Variants in USP12 observed in about 807,000 individuals in gnomAD.
USP12 encodes the protein ubiquitin specific peptidase 12.
Under a neutral mutation model 45.5 loss-of-function variants are expected in USP12, and 19 were observed. The ratio of observed to expected loss-of-function variants is 0.42; its 90% CI spans 0.29 to 0.61. USP12 has a LOEUF of 0.61. USP12 is among the 20% of genes least tolerant of loss of function. USP12 has a pLI of 0.22. For synonymous variants in USP12, 149 were observed against 148.8 expected, an observed-to-expected ratio of 1.00 and a Z score of -0.01; for missense variants, 242 against 447.7, an observed-to-expected ratio of 0.54 and a Z score of 4.15.
chr13:27,106,664 T>G (rs1875152959), intron 2 of USP12, among the ~76,000 whole-genome samples: 1 of 152,112 alleles, frequency 6.6e-6, no homozygotes, highest in Admixed American at 6.6e-5. Flanking sequence ...GAAAAATGTT[T>G]AAGATTGGGT....
intron 1 of USP12, among the ~76,000 whole-genome samples, chr13:27,152,900 C>T (rs1378463540): frequency 1.7e-4 from 24 of 143,054 alleles, no homozygotes; most frequent in Non-Finnish European, 3.1e-4. Context: ...GGATATCGCA[C>T]CACTGCACTC....
rs1873119668 is a variant in USP12 at position 27,069,088 on chromosome 13, A to G, written c.*195T>C. On this transcript the variant is annotated 3_prime_UTR_variant, in exon 9 of 9. Transcript: ENST00000282344. ...TATGGAACTGTACAGACAGCATGAT[A>G]CCTGAGCAAATAAATCAACTACCAT... The G allele has an allele frequency of 1.6e-6, 1 of 610,728 alleles. No homozygotes were observed. The highest frequency in any genetic ancestry group is 2.9e-6 in the Non-Finnish European group (1 of 345,152). The allele number at this position is 610,728 out of a possible 1,614,324, so 37.8% of individuals were successfully genotyped here. A position where few individuals can be genotyped will look rare whatever the true frequency, so the allele number is the denominator to read the frequency against.
At chr13:27,117,694 T>C (rs986527885) in intron 1 of USP12, 2 of 517,358 alleles carry the variant, frequency 3.9e-6, no homozygotes, top group Admixed American at 1.9e-5. Context: ...GAGTGAGTGC[T>C]GGAAGAGGGA....
chr13:27,108,661 A>G (rs1057407148), intron 2 of USP12, among the ~76,000 whole-genome samples: 5 of 152,246 alleles, frequency 3.3e-5, no homozygotes, highest in African/African-American at 1.2e-4. Flanking sequence ...TCATAAATTT[A>G]AAATGACATT....
intron 4 of USP12, among the ~76,000 whole-genome samples, chr13:27,094,134 G>C (rs988725388): frequency 6.6e-6 from 1 of 151,132 alleles, no homozygotes; most frequent in Non-Finnish European, 1.5e-5. Flanking sequence ...TGATGAGGAG[G>C]GAGGTATTTG....
intron 4 of USP12, among the ~76,000 whole-genome samples, chr13:27,092,161 C>T (rs1317751354): frequency 6.6e-6 from 1 of 152,158 alleles, no homozygotes; most frequent in Non-Finnish European, 1.5e-5. Context: ...TCTAACAAAA[C>T]ACGCATGGTA....
chr13:27,099,058 AC>A (rs1874732458), intron 3 of USP12, among the ~76,000 whole-genome samples: 1 of 152,190 alleles, frequency 6.6e-6, no homozygotes, highest in African/African-American at 2.4e-5. Context: ...ACATGGTGAA[AC>A]CCCATCTCCA....
Position 27,068,465 on chromosome 13 carries a change from T to C in USP12, c.*818A>G, listed in dbSNP as rs1295752547. On this transcript the variant is annotated 3_prime_UTR_variant, in exon 9 of 9. Coordinates refer to ENST00000282344, the MANE Select transcript of USP12 (RefSeq NM_182488.4). ...TCAAGGTATCTTAACTGATTTCAGA[T>C]AGAAATTAAAATTCACCTTAAAAAT... 1.3e-5 allele frequency: 2 copies of C among 152,484 alleles called. No individual in the cohort carries two copies. The highest frequency in any genetic ancestry group is 6.5e-5 in the Admixed American group (1 of 15,276). The allele number at this position is 152,484 out of a possible 1,614,324, so 9.4% of individuals were successfully genotyped here.
At chr13:27,167,429 A>G (rs1326649965) in intron 1 of USP12, among the ~76,000 whole-genome samples, 1 of 152,166 alleles carries the variant, frequency 6.6e-6, no homozygotes, top group Non-Finnish European at 1.5e-5. Flanking sequence ...GAGTGGGCTT[A>G]AATAAAACTT....
chr13:27,146,790 C>T (rs1309419057), intron 1 of USP12, among the ~76,000 whole-genome samples: 2 of 152,200 alleles, frequency 1.3e-5, no homozygotes, highest in Admixed American at 1.3e-4. Flanking sequence ...AACTCCTAAT[C>T]TTCAGTACTT....
chr13:27,160,123 G>A (rs969197564), intron 1 of USP12, among the ~76,000 whole-genome samples: 2 of 152,016 alleles, frequency 1.3e-5, no homozygotes, highest in Admixed American at 6.6e-5. Context: ...AGTAAAGCTG[G>A]AAAAACTCAA....
intron 4 of USP12, among the ~76,000 whole-genome samples, chr13:27,092,908 C>T (rs1874382043): frequency 6.6e-6 from 1 of 152,160 alleles, no homozygotes; most frequent in South Asian, 2.1e-4. Flanking sequence ...AAAACTTCTG[C>T]TCTGCCAGCC....
intron 1 of USP12, 129 bp downstream of exon 1, chr13:27,171,457 CCGCCCG>C (rs1878607364): frequency 7.8e-5 from 1 of 12,784 alleles, no homozygotes; most frequent in East Asian, 8.3e-3. Flanking sequence ...CCCGCCCGGG[CCGCCCG>C]GGCCGCCCAG....
chr13:27,148,486 C>G (rs1242305489), intron 1 of USP12, among the ~76,000 whole-genome samples: 1 of 151,526 alleles, frequency 6.6e-6, no homozygotes, highest in South Asian at 2.1e-4. Context: ...CCAGCCTGAC[C>G]AACATAGCGA....
At chr13:27,153,149 T>C (rs1247285219) in intron 1 of USP12, among the ~76,000 whole-genome samples, 1 of 151,628 alleles carries the variant, frequency 6.6e-6, no homozygotes, top group Admixed American at 6.6e-5. Context: ...CTGGCCAACA[T>C]GGCGAAACCC....
At chr13:27,071,004 T>C in intron 8 of USP12, 67 bp downstream of exon 8, 2 of 1,332,052 alleles carry the variant, frequency 1.5e-6, no homozygotes, top group South Asian at 1.3e-5. Flanking sequence ...TGAAAAACTA[T>C]GAGAAAAAAG....
At chr13:27,085,815 A>C (rs530598731) in intron 6 of USP12, among the ~76,000 whole-genome samples, 2 of 152,096 alleles carry the variant, frequency 1.3e-5, no homozygotes, top group Non-Finnish European at 2.9e-5. Flanking sequence ...AAAAATCTAA[A>C]TTGTTGGATT....
chr13:27,107,613 G>A (rs1330849373), intron 2 of USP12, among the ~76,000 whole-genome samples: 1 of 152,154 alleles, frequency 6.6e-6, no homozygotes, highest in East Asian at 1.9e-4. Context: ...AAAAGGTGTG[G>A]CAGCAACAAG....
chr13:27,092,391 A>C (rs564460934), intron 4 of USP12, among the ~76,000 whole-genome samples: 87 of 152,348 alleles, frequency 5.7e-4, no homozygotes, highest in African/African-American at 1.8e-3. Context: ...ATGGAGAGGC[A>C]AAAGACCCAG....
Sources: allele counts gnomAD v4.1 joint callset (sites outside exome capture counted in the v4.1 genomes callset), GRCh38; gene constraint gnomAD v4.1.1; transcripts MANE v1.5; gene names NCBI Gene and HGNC (gene_info 2026-07-23, HGNC 2026-07-21).